The following FAM186A variants were observed in gnomAD, a reference collection of about 807,000 sequenced individuals.
FAM186A encodes the protein protein FAM186A.
In FAM186A, 163 loss-of-function variants were observed where a neutral mutation model predicts 216.8. That is an observed-to-expected ratio of 0.75 (90% CI 0.66 to 0.86). The LOEUF is 0.86. Ranked by LOEUF, FAM186A falls within the 40% of genes least tolerant of loss-of-function variation. The probability of loss-of-function intolerance (pLI) is 0.00; values close to 1 mark genes in which losing one functional copy is unlikely to be tolerated. For missense variants in FAM186A, 2,184 were observed against 2,746.2 expected (o/e 0.80, Z 4.58); for synonymous variants, 805 against 1,025.3 (o/e 0.79, Z 4.10).
rs1315873336 is a variant in FAM186A, at chr12:50,356,185, C to T, written c.647G>A (p.Arg216His). 21 of 1,551,346 alleles carry T rather than the reference C, an allele frequency of 1.4e-5. No homozygotes were observed. The highest frequency in any genetic ancestry group is 7.8e-5 in the Admixed American group (4 of 50,970). The part of the protein sequence containing the change: ...ERVIKRPSTA[R>H]ALRPDQMISD... ...AATCATCTGATCTGGTCTTAAAGCA[C>T]GGGCTGTTGAAGGTCGTTTTATAAC... is the stretch of plus-strand genomic sequence containing the variant. Residue 216 changes from arginine to histidine, a missense_variant, in exon 4 of 8, where the codon CGT becomes CAT. Transcript: ENST00000327337.
chr12:50,349,112 A>G lies in FAM186A; in HGVS notation c.6503+1217T>C, dbSNP rs187285816. ...TATAATCACCCTGTTGTGCTTTCAAATGCTAAATCTTATTCATTCTTTCTA... is the reference window on the plus strand; with the variant it reads ...TATAATCACCCTGTTGTGCTTTCAAGTGCTAAATCTTATTCATTCTTTCTA... On this transcript the variant is annotated intron_variant, in intron 4 of 7. Transcript: ENST00000327337. Among the ~76,000 whole-genome samples, 270 of 152,160 alleles carry G rather than the reference A, an allele frequency of 1.8e-3. 1 individual carries two copies. The highest frequency in any genetic ancestry group is 3.4e-3 in the Middle Eastern group (1 of 294).
chr12:50,390,370 A>C (rs1203998465), intron 1 of FAM186A, among the ~76,000 whole-genome samples: 4 of 152,200 alleles, frequency 2.6e-5, no homozygotes, highest in Admixed American at 2.6e-4. Context: ...TGAGTCTGTC[A>C]ACTGGCTCAA....
Position 50,352,772 on chromosome 12 carries a change from G to A in FAM186A, c.4060C>T (p.Gln1354Ter). 6.5e-7 allele frequency: 1 copy of A among 1,540,732 alleles called. No homozygotes were observed. The highest frequency in any genetic ancestry group is 8.8e-7 in the Non-Finnish European group (1 of 1,142,642). The change falls in exon 4 of 8, where the codon CAG becomes TAG. Residue 1354 changes from glutamine (Q) to a stop codon, truncating the protein, a stop_gained. Transcript: ENST00000327337. LOFTEE classifies it high-confidence loss of function. ...AQALGMPLTT[Q>*]QAQELGIPLT... Reference sequence around the variant, plus strand: ...GGGATCCCCAGTTCCTGAGCCTGCTGAGTGGTGAGAGGCATCCCCAAGGCC... The same window carrying A: ...GGGATCCCCAGTTCCTGAGCCTGCTAAGTGGTGAGAGGCATCCCCAAGGCC...
At chr12:50,331,293 G>A (rs556386719) in intron 6 of FAM186A, among the ~76,000 whole-genome samples, 6 of 152,298 alleles carry the variant, frequency 3.9e-5, no homozygotes, top group Non-Finnish European at 8.8e-5. Context: ...AGGCTGGAGT[G>A]CAATGGCACG....
rs564506315 is a variant in FAM186A at position 50,363,129 on chromosome 12, G to A, written c.412+16C>T. ...TAACTTTATGGTTTTCCTCTGAACCGCTTCTGTAAACTTACTCCATTCTTC... is the reference window on the plus strand; with the variant it reads ...TAACTTTATGGTTTTCCTCTGAACCACTTCTGTAAACTTACTCCATTCTTC... On this transcript the variant is annotated intron_variant, in intron 2 of 7. Transcript: ENST00000327337. 9.2e-6 allele frequency: 14 copies of A among 1,521,844 alleles called. No homozygotes were observed. Among genetic ancestry groups the A allele is most frequent in the Middle Eastern group, 1.7e-4 (1 of 5,862 alleles). 94.3% of individuals were successfully genotyped at this position (1,521,844 alleles called of 1,614,324 possible). A position where few individuals can be genotyped will look rare whatever the true frequency, so the allele number is the denominator to read the frequency against.
rs770386595 is a variant in FAM186A, at chr12:50,353,389, G to A, written c.3443C>T (p.Thr1148Ile). 26 of 1,534,682 alleles carry A rather than the reference G, an allele frequency of 1.7e-5. No homozygotes were observed. The highest frequency in any genetic ancestry group is 2.3e-5 in the Non-Finnish European group (26 of 1,139,146). The change falls in exon 4 of 8, where the codon ACC becomes ATC. Residue 1148 changes from threonine (T) to isoleucine (I), a missense_variant. This residue lies in a region of FAM186A where 267 missense variants were observed against 446.2 expected (regional missense o/e 0.60). Transcript: ENST00000327337. ...CCCCGGGGCCTGGTCCTGCTGAGGG[G>A]TGAGAGTGATCCCTTGAACCTGGGT... The part of the protein sequence containing the change: ...QQTQVQGITL[T>I]PQQDQAPGIS...
chr12:50,361,957 CTTTTTGTTGTTGTTGTTG>C (rs962728899), intron 2 of FAM186A, among the ~76,000 whole-genome samples: 1 of 151,570 alleles, frequency 6.6e-6, no homozygotes, highest in Non-Finnish European at 1.5e-5. Context: ...TTTATTCATT[CTTTTTGTTGTTGTTGTTG>C]TTTTTGTTGT....
intron 4 of FAM186A, among the ~76,000 whole-genome samples, chr12:50,335,356 GA>G (rs1241582885): frequency 6.6e-6 from 1 of 151,868 alleles, no homozygotes; most frequent in Non-Finnish European, 1.5e-5. Flanking sequence ...AAGACACATA[GA>G]AGGTAAGGCC....
chr12:50,345,657 T>G (rs1166979781), intron 4 of FAM186A, among the ~76,000 whole-genome samples: 2 of 152,118 alleles, frequency 1.3e-5, no homozygotes, highest in Admixed American at 1.3e-4. Flanking sequence ...TAGATGATTG[T>G]GGGTATGGGG....
intron 4 of FAM186A, among the ~76,000 whole-genome samples, chr12:50,336,361 G>A (rs1014482799): frequency 6.6e-6 from 1 of 152,078 alleles, no homozygotes; most frequent in Non-Finnish European, 1.5e-5. Flanking sequence ...TTGATAAATG[G>A]TAGATTTGGG....
At chr12:50,339,292 C>T (rs759607653) in intron 4 of FAM186A, among the ~76,000 whole-genome samples, 5 of 152,214 alleles carry the variant, frequency 3.3e-5, no homozygotes, top group Non-Finnish European at 7.3e-5. Context: ...GCTGGGATTA[C>T]AGGCGTGTAC....
At chr12:50,381,023 C>T (rs970922799) in intron 1 of FAM186A, among the ~76,000 whole-genome samples, 1 of 152,190 alleles carries the variant, frequency 6.6e-6, no homozygotes, top group Non-Finnish European at 1.5e-5. Context: ...CTGGACCAGG[C>T]ATACTGCAAG....
At position 50,353,353 on chromosome 12, in the gene FAM186A, G is replaced by A; in HGVS notation, c.3479C>T (p.Thr1160Ile). ...CCCTAGTTTCTGAGCCTGCTGAGTGGTGAGAGAGATCCCCGGGGCCTGGTC... is the reference window on the plus strand; with the variant it reads ...CCCTAGTTTCTGAGCCTGCTGAGTGATGAGAGAGATCCCCGGGGCCTGGTC... ...QQDQAPGISL[T>I]TQQAQKLGIP... Residue 1160 changes from threonine (T) to isoleucine (I), a missense_variant, in exon 4 of 8, where the codon ACC becomes ATC. Thr to Ile is a moderately conservative substitution (Grantham distance 89). Around this residue, in one of 7 missense-constraint regions of FAM186A, gnomAD observed 267 missense variants for 446.2 expected, o/e 0.60. Coordinates refer to ENST00000327337, the MANE Select transcript of FAM186A (RefSeq NM_001145475.3). The A allele has an allele frequency of 6.5e-7, 1 of 1,539,250 alleles. No homozygotes were observed. The highest frequency in any genetic ancestry group is 1.2e-5 in the South Asian group (1 of 82,824).
chr12:50,355,645 T>C lies in FAM186A; in HGVS notation c.1187A>G (p.Asp396Gly). ...AGTGGAGTCCCATTTTATCCCAGAG[T>C]CCTTGGTCTCTTTTCTTTGGACTTC... ...VDEVQRKETK[D>G]SGIKWDSTIS... Residue 396 changes from aspartate to glycine, a missense_variant, in exon 4 of 8, where the codon GAC (aspartate) becomes GGC (glycine). Asp to Gly is a moderately conservative substitution (Grantham distance 94). Transcript: ENST00000327337. The C allele has an allele frequency of 6.4e-7, 1 of 1,551,190 alleles. No homozygotes were observed. Among genetic ancestry groups the C allele is most frequent in the Non-Finnish European group, 8.7e-7 (1 of 1,146,928 alleles).
intron 1 of FAM186A, among the ~76,000 whole-genome samples, chr12:50,391,135 C>A (rs1176786233): frequency 6.6e-6 from 1 of 150,900 alleles, no homozygotes; most frequent in Non-Finnish European, 1.5e-5. Flanking sequence ...ATTACAGATG[C>A]CTGCTACCAT....
intron 1 of FAM186A, among the ~76,000 whole-genome samples, chr12:50,389,899 C>T (rs554678692): frequency 6.6e-6 from 1 of 152,306 alleles, no homozygotes; most frequent in South Asian, 2.1e-4. Context: ...GATGATGGCA[C>T]TAATTCTTCC....
At chr12:50,392,847 A>C (rs1231663597) in intron 1 of FAM186A, among the ~76,000 whole-genome samples, 1 of 121,934 alleles carries the variant, frequency 8.2e-6, no homozygotes, top group Admixed American at 8.8e-5. Context: ...TCCTGAGCTC[A>C]TGATCCGCCC....
At position 50,354,595 on chromosome 12, in the gene FAM186A, C is replaced by T; in HGVS notation, c.2237G>A (p.Gly746Glu). The change falls in exon 4 of 8, where the codon GGA (glycine) becomes GAA (glutamate). Residue 746 changes from glycine (G) to glutamate (E), a missense_variant. By Grantham distance (98) the Gly-to-Glu change is moderately conservative. Around this residue, in one of 7 missense-constraint regions of FAM186A, gnomAD observed 1,132 missense variants for 1,263.4 expected, o/e 0.90. Transcript: ENST00000327337. ...CTTTTTTTGTTTTATAGGTTTCTCT[C>T]CAACTTGTTCTTCCTTTTTTGTATC... Reference protein sequence around the residue: ...YKDTKKEEQVGEKPIKQKKVV... With the variant: ...YKDTKKEEQVEEKPIKQKKVV... 6.5e-7 allele frequency: 1 copy of T among 1,549,052 alleles called. No individual in the cohort carries two copies. Among genetic ancestry groups the T allele is most frequent in the East Asian group, 2.4e-5 (1 of 40,894 alleles).
At chr12:50,391,185 C>T (rs1943353596) in intron 1 of FAM186A, among the ~76,000 whole-genome samples, 1 of 151,278 alleles carries the variant, frequency 6.6e-6, no homozygotes, top group African/African-American at 2.4e-5. Flanking sequence ...GATGGGGTGT[C>T]ACCATGTTGG....
Sources: allele counts gnomAD v4.1 joint callset (sites outside exome capture counted in the v4.1 genomes callset), GRCh38; gene constraint gnomAD v4.1.1; regional missense constraint gnomAD v4.1.1; transcripts MANE v1.5; gene names NCBI Gene and HGNC (gene_info 2026-07-23, HGNC 2026-07-21).